BAZ1A: variants seen among roughly 807,000 people sequenced by gnomAD.
BAZ1A encodes the protein bromodomain adjacent to zinc finger domain protein 1A.
A neutral mutation model predicts 185.2 loss-of-function variants in BAZ1A; 50 were observed. The observed-to-expected ratio is 0.27, with a 90% CI of 0.22 to 0.34. BAZ1A has a LOEUF of 0.34. Ranked by LOEUF, BAZ1A falls within the 10% of genes least tolerant of loss-of-function variation. The probability of loss-of-function intolerance (pLI) is 1.00; values close to 1 mark genes in which losing one functional copy is unlikely to be tolerated. For missense variants in BAZ1A, 1,356 were observed against 1,839.9 expected (o/e 0.74, Z 4.81); for synonymous variants, 571 against 615.6 (o/e 0.93, Z 1.07).
rs770577476 is a variant in BAZ1A at position 34,774,520 on chromosome 14, G to A, written c.2834-30C>T. ...AATAGTAATCAAATACTTTTATTAT[G>A]ATTTTCTTATTAAAAACTACAATTA... On this transcript the variant is annotated intron_variant, in intron 18 of 26. Transcript: ENST00000360310. 10 of 1,512,152 alleles carry A rather than the reference G, an allele frequency of 6.6e-6. No homozygotes were observed. In the South Asian group the frequency reaches 1.3e-4, roughly 20 times the overall value. 93.7% of individuals were successfully genotyped at this position (1,512,152 alleles called of 1,614,324 possible).
intron 3 of BAZ1A, among the ~76,000 whole-genome samples, chr14:34,849,541 A>C (rs80247826): frequency 0.018 from 2,672 of 152,224 alleles, 68 homozygotes; most frequent in African/African-American, 0.057. Flanking sequence ...AGAAAAAAAA[A>C]CAGATTTTAA....
At position 34,776,524 on chromosome 14, in the gene BAZ1A, A is replaced by G. The variant is rs1879621480; in HGVS notation, c.2237-9T>C. 1 of 1,526,278 alleles carries G rather than the reference A, an allele frequency of 6.6e-7. No individual in the cohort carries two copies. Among genetic ancestry groups the G allele is most frequent in the Admixed American group, 2.1e-5 (1 of 46,624 alleles). 94.5% of individuals were successfully genotyped at this position (1,526,278 alleles called of 1,614,324 possible). On this transcript the variant is annotated splice_polypyrimidine_tract_variant and intron_variant, in intron 17 of 26. Coordinates refer to ENST00000360310, the MANE Select transcript of BAZ1A (RefSeq NM_013448.3). ...ATTTTGTCCTCTTTTCCCTGTAATT[A>G]AAATAAAATGTTTCATCATCATCAT...
intron 6 of BAZ1A, among the ~76,000 whole-genome samples, chr14:34,804,293 C>T (rs538120282): frequency 6.6e-6 from 1 of 152,326 alleles, no homozygotes; most frequent in East Asian, 1.9e-4. Flanking sequence ...TAGGCATAAG[C>T]CACTGCGCCC....
In BAZ1A at chr14:34,773,615, C is replaced by G. The variant is rs779805261; in HGVS notation, c.3109G>C (p.Glu1037Gln). The stretch of plus-strand genomic sequence containing the variant: ...TTTGTTTGTTCATCAATTTCCATCT[C>G]TTCTACGTCTTCATTCACAGTTTTA... ...IIKTVNEDVE[E>Q]MEIDEQTKVI... is the part of the protein sequence containing the mutation. The change falls in exon 20 of 27, where the codon GAG becomes CAG. Residue 1037 changes from glutamate to glutamine, a missense_variant. Glu to Gln is a conservative substitution (Grantham distance 29). Coordinates refer to ENST00000360310, the MANE Select transcript of BAZ1A (RefSeq NM_013448.3). The G allele has an allele frequency of 6.2e-7, 1 of 1,612,386 alleles. No individual in the cohort carries two copies. Among genetic ancestry groups the G allele is most frequent in the South Asian group, 1.1e-5 (1 of 91,004 alleles).
chr14:34,855,997 A>G (rs1369840037), intron 3 of BAZ1A, among the ~76,000 whole-genome samples: 1 of 152,262 alleles, frequency 6.6e-6, no homozygotes, highest in Non-Finnish European at 1.5e-5. Flanking sequence ...TACTTGTAGC[A>G]GTATAACAAA....
intron 3 of BAZ1A, among the ~76,000 whole-genome samples, chr14:34,840,809 C>G (rs894344830): frequency 6.6e-6 from 1 of 151,810 alleles, no homozygotes; most frequent in Non-Finnish European, 1.5e-5. Context: ...AAAACTTATA[C>G]TTATTACTCC....
chr14:34,824,408 C>CCAAAA (rs2042134210), intron 4 of BAZ1A, among the ~76,000 whole-genome samples: 1 of 65,772 alleles, frequency 1.5e-5, no homozygotes, highest in African/African-American at 6.6e-5. Context: ...AGCAGCAACT[C>CCAAAA]AAAAAAAAAA....
chr14:34,774,175 G>T, intron 19 of BAZ1A, 152 bp downstream of exon 19: 1 of 560,152 alleles, frequency 1.8e-6, no homozygotes, highest in Non-Finnish European at 2.9e-6. Flanking sequence ...TTTTTATGCA[G>T]GGGAATAAAC....
At chr14:34,788,595 T>A (rs1880647003) in intron 12 of BAZ1A, among the ~76,000 whole-genome samples, 1 of 152,126 alleles carries the variant, frequency 6.6e-6, no homozygotes, top group African/African-American at 2.4e-5. Flanking sequence ...TGAGCCACCA[T>A]GCCCGGCCCA....
At chr14:34,869,642 C>A (rs2042920937) in intron 2 of BAZ1A, among the ~76,000 whole-genome samples, 1 of 152,176 alleles carries the variant, frequency 6.6e-6, no homozygotes, top group African/African-American at 2.4e-5. Context: ...AGTGAACACA[C>A]AAAATCCAAT....
intron 3 of BAZ1A, among the ~76,000 whole-genome samples, chr14:34,845,128 A>C (rs187154575): frequency 6.6e-6 from 1 of 152,166 alleles, no homozygotes; most frequent in Admixed American, 6.5e-5. Context: ...GCTCGGAATT[A>C]TTTAGAGAAT....
chr14:34,848,006 C>A (rs187557488), intron 3 of BAZ1A, among the ~76,000 whole-genome samples: 1 of 152,040 alleles, frequency 6.6e-6, no homozygotes, highest in Non-Finnish European at 1.5e-5. Flanking sequence ...ACTACAGGCA[C>A]GCACTACCAA....
intron 16 of BAZ1A, among the ~76,000 whole-genome samples, chr14:34,780,764 C>T (rs1879985206): frequency 6.6e-6 from 1 of 152,178 alleles, no homozygotes; most frequent in Non-Finnish European, 1.5e-5. Context: ...TGAGATTAGG[C>T]TGGGCCTTGT....
intron 3 of BAZ1A, among the ~76,000 whole-genome samples, chr14:34,851,628 C>T (rs1371054021): frequency 6.6e-6 from 1 of 151,622 alleles, no homozygotes; most frequent in African/African-American, 2.4e-5. Flanking sequence ...TCCAGCGTTT[C>T]GTTAAACAAT....
rs140908869 is a variant in BAZ1A, at chr14:34,840,657, G to A, written c.393-14501C>T. Among the ~76,000 whole-genome samples, 601 of 152,148 alleles carry A rather than the reference G, an allele frequency of 4.0e-3. 3 individuals carry two copies. The highest frequency in any genetic ancestry group is 0.014 in the African/African-American group (567 of 41,500). Reference sequence around the variant, plus strand: ...CCCTGTAATCCCAGCTACTCGGGATGCTGAGGTGGAGAATCGCTTGACCCA... The same window carrying A: ...CCCTGTAATCCCAGCTACTCGGGATACTGAGGTGGAGAATCGCTTGACCCA... On this transcript the variant is annotated intron_variant, in intron 3 of 26. Transcript: ENST00000360310.
At chr14:34,857,221 T>C (rs934999817) in intron 3 of BAZ1A, among the ~76,000 whole-genome samples, 3 of 152,180 alleles carry the variant, frequency 2.0e-5, no homozygotes, top group East Asian at 1.9e-4. Flanking sequence ...TTAGCCAGGA[T>C]GGTCTCGATC....
chr14:34,815,860 G>GAT (rs574628014), intron 4 of BAZ1A, among the ~76,000 whole-genome samples: 55 of 152,058 alleles, frequency 3.6e-4, no homozygotes, highest in Non-Finnish European at 5.4e-4. Flanking sequence ...AGGCACAGGA[G>GAT]ATATATATAT....
chr14:34,829,844 T>C (rs1317869197), intron 3 of BAZ1A, among the ~76,000 whole-genome samples: 1 of 152,178 alleles, frequency 6.6e-6, no homozygotes, highest in Non-Finnish European at 1.5e-5. Context: ...GATCTCCTCA[T>C]ACTACCAAAA....
intron 5 of BAZ1A, 88 bp from the exon 6 acceptor site, chr14:34,807,626 G>C (rs1267064388): frequency 1.2e-6 from 1 of 844,282 alleles, no homozygotes; most frequent in African/African-American, 1.7e-5. Context: ...TTTGTAACCT[G>C]AATTTCAGAA....
Sources: allele counts gnomAD v4.1 joint callset (sites outside exome capture counted in the v4.1 genomes callset), GRCh38; gene constraint gnomAD v4.1.1; transcripts MANE v1.5; gene names NCBI Gene and HGNC (gene_info 2026-07-23, HGNC 2026-07-21).